The following NUDT5 variants were observed in gnomAD, a reference collection of about 807,000 sequenced individuals.
The protein encoded by NUDT5 is nudix hydrolase 5, also known as ADP-sugar pyrophosphatase.
A neutral mutation model predicts 34.1 loss-of-function variants in NUDT5; 21 were observed. That is an observed-to-expected ratio of 0.62 (90% CI 0.44 to 0.89). NUDT5 has a LOEUF of 0.89. NUDT5 is among the 40% of genes least tolerant of loss of function. NUDT5 has a pLI of 0.00. For synonymous variants in NUDT5, 85 were observed against 97.6 expected (o/e 0.87, Z 0.76); for missense variants, 249 against 274.8 (o/e 0.91, Z 0.66).
At chr10:12,191,611 A>G (rs1207457266) in intron 1 of NUDT5, among the ~76,000 whole-genome samples, 1 of 152,192 alleles carries the variant, frequency 6.6e-6, no homozygotes, top group African/African-American at 2.4e-5. Flanking sequence ...GGCCAGTGCC[A>G]TGCACTGCAT....
At chr10:12,172,942 G>A (rs1588655382) in intron 6 of NUDT5, 76 bp from the exon 7 acceptor site, 12 of 1,050,610 alleles carry the variant, frequency 1.1e-5, no homozygotes, top group South Asian at 4.0e-5. Flanking sequence ...AAGAAGATGC[G>A]TCCCGCAGCT....
intron 7 of NUDT5, among the ~76,000 whole-genome samples, chr10:12,172,021 G>A (rs772790169): frequency 2.0e-5 from 3 of 151,762 alleles, no homozygotes; most frequent in South Asian, 2.1e-4. Flanking sequence ...CACCACGCCC[G>A]GCAAAAAATA....
chr10:12,188,273 T>G (rs1204426664), intron 1 of NUDT5, among the ~76,000 whole-genome samples: 1 of 152,220 alleles, frequency 6.6e-6, no homozygotes, highest in Non-Finnish European at 1.5e-5. Flanking sequence ...GATCTTCAAT[T>G]TGTCCCCAAG....
chr10:12,181,645 T>C lies in NUDT5; in HGVS notation c.132-2513A>G, dbSNP rs1269027185. On this transcript the variant is annotated intron_variant, in intron 3 of 9. Transcript: ENST00000491614. The surrounding 1 kb of genome is among the most constrained non-coding windows in gnomAD (Gnocchi z 5.0). ...GCACACATGCCATTTCATGACCCTC[T>C]GTGGGAGTACCTGCAGAGGGAAGTC... Among the ~76,000 whole-genome samples the C allele has an allele frequency of 6.6e-6, 1 of 151,964 alleles. No homozygotes were observed. Among genetic ancestry groups the C allele is most frequent in the Non-Finnish European group, 1.5e-5 (1 of 67,994 alleles).
rs1482013343 is a variant in NUDT5, at chr10:12,169,093, C to G, written c.551-1282G>C. On this transcript the variant is annotated intron_variant, in intron 9 of 9. Transcript: ENST00000491614. This position sits in a 1 kb window ranked among gnomAD's most constrained non-coding sequence, Gnocchi z 4.8. ...ACTGATCTTAAAATGTAATACTTTC[C>G]TTCCGACTTCTCAAATGTTGCTGGT... 6.6e-6 allele frequency among the ~76,000 whole-genome samples: 1 copy of G among 152,146 alleles called. No individual in the cohort carries two copies. Among genetic ancestry groups the G allele is most frequent in the Non-Finnish European group, 1.5e-5 (1 of 68,024 alleles).
Position 12,177,805 on chromosome 10 carries a change from C to T in NUDT5, c.277G>A (p.Glu93Lys), listed in dbSNP as rs1426895108. The T allele has an allele frequency of 6.2e-7, 1 of 1,613,088 alleles. No individual in the cohort carries two copies. The change falls in exon 5 of 10, where the codon GAG becomes AAG. Residue 93 changes from glutamate to lysine, a missense_variant. Coordinates refer to ENST00000491614, the MANE Select transcript of NUDT5 (RefSeq NM_014142.4). ...FRPPMGGYCI[E>K]FPAGLIDDGE... The stretch of plus-strand genomic sequence containing the variant: ...TTGAGTGACTCACCTGCAGGGAACT[C>T]TATGCAGTAGCCCCCCATTGGTGGT...
rs374277414 is a variant in NUDT5, at chr10:12,173,218, AT to A, written c.386-353del. ...GGTAGGAAATTCCTAAAGGCAATTG[AT>A]TTTTTGAGACAGAGTTTCACTTTGC... is the stretch of plus-strand genomic sequence containing the variant. On this transcript the variant is annotated intron_variant, in intron 6 of 9. Transcript: ENST00000491614. This position sits in a 1 kb window ranked among gnomAD's most constrained non-coding sequence, Gnocchi z 4.7. Among the ~76,000 whole-genome samples the A allele has an allele frequency of 6.6e-6, 1 of 152,150 alleles. No individual in the cohort carries two copies. Among genetic ancestry groups the A allele is most frequent in the Non-Finnish European group, 1.5e-5 (1 of 68,020 alleles).
rs756825114 is a variant in NUDT5 at position 12,184,974 on chromosome 10, A to G, written c.64-18T>C. 2.2e-6 allele frequency: 3 copies of G among 1,389,240 alleles called. No individual in the cohort carries two copies. Among genetic ancestry groups the G allele is most frequent in the Non-Finnish European group, 3.0e-6 (3 of 987,476 alleles). 86.1% of individuals were successfully genotyped at this position (1,389,240 alleles called of 1,614,324 possible). The stretch of plus-strand genomic sequence containing the variant: ...GAAATTAACTAAAAGGATATCAGAT[A>G]ATAAGTTGGGAAACTTTCAAACCAA... On this transcript the variant is annotated intron_variant, in intron 2 of 9. Transcript: ENST00000491614.
At chr10:12,177,982 A>C (rs1834983503) in intron 4 of NUDT5, 82 bp from the exon 5 acceptor site, 1 of 953,148 alleles carries the variant, frequency 1.0e-6, no homozygotes, top group East Asian at 2.5e-5. Context: ...AGCTAATGAA[A>C]ACCCCAGACT....
chr10:12,194,525 C>A (rs922215601), intron 1 of NUDT5, among the ~76,000 whole-genome samples: 3 of 152,190 alleles, frequency 2.0e-5, no homozygotes, highest in Admixed American at 1.3e-4. Flanking sequence ...ACATACTCTG[C>A]AACATTATAA....
chr10:12,195,623 C>G (rs1024607857), intron 1 of NUDT5, 147 bp downstream of exon 1: 1 of 152,926 alleles, frequency 6.5e-6, no homozygotes, highest in Non-Finnish European at 1.5e-5. Flanking sequence ...TCCCCAGTTT[C>G]CCTCTTGGGC....
At chr10:12,190,734 G>C (rs1381059513) in intron 1 of NUDT5, among the ~76,000 whole-genome samples, 1 of 149,558 alleles carries the variant, frequency 6.7e-6, no homozygotes, top group Non-Finnish European at 1.5e-5. Context: ...TCAGCCTCCT[G>C]AACAGCTGGG....
chr10:12,167,932 A>T, intron 9 of NUDT5, 121 bp from the exon 10 acceptor site: 1 of 1,449,792 alleles, frequency 6.9e-7, no homozygotes, highest in Admixed American at 2.9e-5. Flanking sequence ...GATGCTGGTG[A>T]TAACGTTTTT....
Position 12,173,011 on chromosome 10 carries a change from G to A in NUDT5, c.386-145C>T. On this transcript the variant is annotated intron_variant, in intron 6 of 9. Coordinates refer to ENST00000491614, the MANE Select transcript of NUDT5 (RefSeq NM_014142.4). The surrounding 1 kb of genome is among the most constrained non-coding windows in gnomAD (Gnocchi z 4.7). Reference sequence around the variant, plus strand: ...GTTCTCACATTTGGTAGGCAGATCTGCAGGCTGCAAAGCATCTGGGCACTC... The same window carrying A: ...GTTCTCACATTTGGTAGGCAGATCTACAGGCTGCAAAGCATCTGGGCACTC... 1.6e-6 allele frequency: 1 copy of A among 631,086 alleles called. No homozygotes were observed. 39.1% of individuals were successfully genotyped at this position (631,086 alleles called of 1,614,324 possible). A position where few individuals can be genotyped will look rare whatever the true frequency, so the allele number is the denominator to read the frequency against.
At chr10:12,184,823 A>G (rs1012068349) in intron 3 of NUDT5, 66 bp downstream of exon 3, 5 of 913,500 alleles carry the variant, frequency 5.5e-6, no homozygotes, top group Non-Finnish European at 8.7e-6. Context: ...AGTTTATGCA[A>G]AACACTCAAC....
Position 12,167,802 on chromosome 10 carries a change from GCTA to G in NUDT5, c.557_559del (p.Val186del). ...GGCGTCCACTGTGAGATGTTCTTCAGCTACCAGAGCTGTGGAAAGCAAAGAAAA... is the reference window on the plus strand; with the variant it reads ...GGCGTCCACTGTGAGATGTTCTTCAGCCAGAGCTGTGGAAAGCAAAGAAAA... On this transcript the variant is annotated inframe_deletion, in exon 10 of 10. Transcript: ENST00000491614. 1 of 1,613,984 alleles carries G rather than the reference GCTA, an allele frequency of 6.2e-7. No homozygotes were observed. Among genetic ancestry groups the G allele is most frequent in the South Asian group, 1.1e-5 (1 of 91,034 alleles).
intron 3 of NUDT5, among the ~76,000 whole-genome samples, 198 bp from the exon 4 acceptor site, chr10:12,179,330 A>T (rs1267174200): frequency 6.6e-6 from 1 of 152,224 alleles, no homozygotes; most frequent in Non-Finnish European, 1.5e-5. Flanking sequence ...ATTAACAACG[A>T]AAACTCTTGC....
At chr10:12,195,061 A>G (rs1299031473) in intron 1 of NUDT5, among the ~76,000 whole-genome samples, 1 of 152,192 alleles carries the variant, frequency 6.6e-6, no homozygotes, top group East Asian at 1.9e-4. Context: ...TCGAGAAGCT[A>G]AGGCAGGAGA....
chr10:12,189,118 T>C (rs1296440341), intron 1 of NUDT5, among the ~76,000 whole-genome samples: 2 of 152,228 alleles, frequency 1.3e-5, no homozygotes, highest in African/African-American at 4.8e-5. Context: ...GTAAACTTTT[T>C]TTTTTGAGAT....
Sources: allele counts gnomAD v4.1 joint callset (sites outside exome capture counted in the v4.1 genomes callset), GRCh38; gene constraint gnomAD v4.1.1; non-coding constraint Gnocchi (gnomAD v3.1); transcripts MANE v1.5; gene names NCBI Gene and HGNC (gene_info 2026-07-23, HGNC 2026-07-21).